The following OSBP2 variants were observed in gnomAD, a reference collection of about 807,000 sequenced individuals.
OSBP2 encodes oxysterol binding protein 2.
Under a neutral mutation model 96.0 loss-of-function variants are expected in OSBP2, and 66 were observed. That is an observed-to-expected ratio of 0.69 (90% CI 0.56 to 0.84). The LOEUF (loss-of-function observed/expected upper bound fraction) is 0.84. OSBP2 is among the 40% of genes least tolerant of loss of function. The probability of loss-of-function intolerance (pLI) is 0.00; values close to 1 mark genes in which losing one functional copy is unlikely to be tolerated. For synonymous variants in OSBP2, 525 were observed against 520.9 expected (o/e 1.01, Z -0.11); for missense variants, 1,038 against 1,222.7 (o/e 0.85, Z 2.25).
At position 30,906,363 on chromosome 22, in the gene OSBP2, G is replaced by T. The variant is rs1181379108; in HGVS notation, c.*24G>T. The T allele has an allele frequency of 6.3e-7, 1 of 1,578,740 alleles. No individual in the cohort carries two copies. Among genetic ancestry groups the T allele is most frequent in the Non-Finnish European group, 8.6e-7 (1 of 1,161,616 alleles). On this transcript the variant is annotated 3_prime_UTR_variant, in exon 14 of 14. Transcript: ENST00000332585. ...GAGCGCCACCCTTGCAACAAATACA[G>T]GCGCCTGCACAGCCTGGCCCACCTG...
chr22:30,746,485 CTTTT>C (rs34500140), intron 2 of OSBP2, among the ~76,000 whole-genome samples: 2 of 101,526 alleles, frequency 2.0e-5, no homozygotes, highest in African/African-American at 8.1e-5. Flanking sequence ...GGATGAAACA[CTTTT>C]TTTTTTTTTT....
intron 1 of OSBP2, among the ~76,000 whole-genome samples, chr22:30,715,051 T>C (rs867121263): frequency 1.3e-4 from 19 of 151,876 alleles, no homozygotes; most frequent in African/African-American, 4.6e-4. Flanking sequence ...ACTGAAAATG[T>C]TTCTTTTTTT....
At chr22:30,896,987 A>G (rs1400116043) in intron 12 of OSBP2, among the ~76,000 whole-genome samples, 1 of 152,206 alleles carries the variant, frequency 6.6e-6, no homozygotes, top group Non-Finnish European at 1.5e-5. Context: ...AGACCTTCTA[A>G]GAGGTTCCCA....
chr22:30,892,998 G>A, intron 8 of OSBP2, 124 bp from the exon 9 acceptor site: 1 of 1,283,814 alleles, frequency 7.8e-7, no homozygotes, highest in South Asian at 1.4e-5. Context: ...GAACAGCCAG[G>A]ACTGCTCCTA....
Position 30,707,092 on chromosome 22 carries a change from A to G in OSBP2, c.644+11539A>G, listed in dbSNP as rs111756565. Among the ~76,000 whole-genome samples, 977 of 151,798 alleles carry G rather than the reference A, an allele frequency of 6.4e-3. 10 individuals carry two copies. Among genetic ancestry groups the G allele is most frequent in the African/African-American group, 0.022 (924 of 41,410 alleles). The stretch of plus-strand genomic sequence containing the variant: ...GGGCCTTATACTTGAAAGACTCTCA[A>G]ACTTCAGTGAAGCTTTTTTTTTTGA... On this transcript the variant is annotated intron_variant, in intron 1 of 13. Coordinates refer to ENST00000332585, the MANE Select transcript of OSBP2 (RefSeq NM_030758.4).
intron 2 of OSBP2, among the ~76,000 whole-genome samples, chr22:30,850,234 G>C (rs1036425293): frequency 6.6e-6 from 1 of 151,216 alleles, no homozygotes; most frequent in African/African-American, 2.4e-5. Flanking sequence ...TGAAACCCAG[G>C]AGGCGGAGGT....
intron 2 of OSBP2, among the ~76,000 whole-genome samples, chr22:30,758,380 G>A (rs2090166397): frequency 6.6e-6 from 1 of 152,156 alleles, no homozygotes; most frequent in Non-Finnish European, 1.5e-5. Flanking sequence ...CAGCCTGGGT[G>A]ACAGAGCGAG....
At chr22:30,801,359 A>T (rs2090848804) in intron 2 of OSBP2, among the ~76,000 whole-genome samples, 1 of 152,224 alleles carries the variant, frequency 6.6e-6, no homozygotes, top group African/African-American at 2.4e-5. Flanking sequence ...CATATGTGGC[A>T]TGTGCTTCCT....
At chr22:30,735,317 T>C (rs1316357983) in intron 1 of OSBP2, among the ~76,000 whole-genome samples, 1 of 152,166 alleles carries the variant, frequency 6.6e-6, no homozygotes, top group Non-Finnish European at 1.5e-5. Flanking sequence ...GAAGTGCTCA[T>C]GTTACTTATT....
At chr22:30,772,923 G>C (rs1430186305) in intron 2 of OSBP2, among the ~76,000 whole-genome samples, 1 of 151,298 alleles carries the variant, frequency 6.6e-6, no homozygotes, top group Non-Finnish European at 1.5e-5. Flanking sequence ...CTTCCGAGTA[G>C]CTGGGATTAC....
intron 12 of OSBP2, among the ~76,000 whole-genome samples, chr22:30,901,801 G>A (rs1021410630): frequency 1.3e-5 from 2 of 152,110 alleles, no homozygotes; most frequent in Non-Finnish European, 2.9e-5. Flanking sequence ...GGAAGTGGAG[G>A]TTGCAGTGTC....
chr22:30,802,637 G>C (rs1408194455), intron 2 of OSBP2, among the ~76,000 whole-genome samples: 1 of 152,234 alleles, frequency 6.6e-6, no homozygotes, highest in Non-Finnish European at 1.5e-5. Flanking sequence ...CGGAGAGCTC[G>C]CCTTTATCTA....
At chr22:30,887,291 G>A in intron 3 of OSBP2, 135 bp from the exon 4 acceptor site, 1 of 681,312 alleles carries the variant, frequency 1.5e-6, no homozygotes. Context: ...AGCTGTCTGG[G>A]AATGCAGCCC....
At chr22:30,776,548 C>G (rs2090440542) in intron 2 of OSBP2, among the ~76,000 whole-genome samples, 1 of 151,622 alleles carries the variant, frequency 6.6e-6, no homozygotes, top group South Asian at 2.1e-4. Context: ...CAATATTTCT[C>G]TACTATCAAC....
intron 2 of OSBP2, among the ~76,000 whole-genome samples, chr22:30,791,524 A>G (rs1239780462): frequency 6.7e-6 from 1 of 149,236 alleles, no homozygotes; most frequent in Non-Finnish European, 1.5e-5. Context: ...ACACAGTTTC[A>G]CCATGTTGGC....
chr22:30,865,808 G>A (rs1331609432), intron 2 of OSBP2, among the ~76,000 whole-genome samples: 1 of 152,134 alleles, frequency 6.6e-6, no homozygotes, highest in Non-Finnish European at 1.5e-5. Flanking sequence ...CCCGGTGTAA[G>A]GACCAGCACA....
chr22:30,834,784 T>G (rs1327544936), intron 2 of OSBP2, among the ~76,000 whole-genome samples: 2 of 152,002 alleles, frequency 1.3e-5, no homozygotes, highest in Non-Finnish European at 2.9e-5. Context: ...TTTCTCCTAT[T>G]CTATGGATTG....
intron 1 of OSBP2, among the ~76,000 whole-genome samples, chr22:30,713,361 C>T (rs1027993992): frequency 1.3e-5 from 2 of 152,104 alleles, no homozygotes; most frequent in Non-Finnish European, 2.9e-5. Flanking sequence ...CAGGCGTGAG[C>T]CACTGCACCC....
chr22:30,872,539 G>A (rs531170956), intron 3 of OSBP2: 25 of 366,616 alleles, frequency 6.8e-5, no homozygotes, highest in South Asian at 4.9e-4. Flanking sequence ...ACCCCCTGGG[G>A]TTGGTCACGA....
Sources: allele counts gnomAD v4.1 joint callset (sites outside exome capture counted in the v4.1 genomes callset), GRCh38; gene constraint gnomAD v4.1.1; transcripts MANE v1.5; gene names NCBI Gene and HGNC (gene_info 2026-07-23, HGNC 2026-07-21).